Variants in ZNF518B observed in about 807,000 individuals in gnomAD.
ZNF518B encodes zinc finger protein 518B.
Under a neutral mutation model 56.3 loss-of-function variants are expected in ZNF518B, and 23 were observed. That is an observed-to-expected ratio of 0.41 (90% confidence interval 0.29 to 0.58). The LOEUF is 0.58. Ranked by LOEUF, ZNF518B falls within the 20% of genes least tolerant of loss-of-function variation. The probability of loss-of-function intolerance (pLI) is 0.32; values close to 1 mark genes in which losing one functional copy is unlikely to be tolerated. For missense variants in ZNF518B, 1,460 were observed against 1,272.1 expected (o/e 1.15, Z -2.25); for synonymous variants, 529 against 465.9 (o/e 1.14, Z -1.74).
In ZNF518B at chr4:10,444,756, G is replaced by T. The variant is rs747764664; in HGVS notation, c.1573C>A (p.Gln525Lys). 5 of 1,613,688 alleles carry T rather than the reference G, an allele frequency of 3.1e-6. No homozygotes were observed. The African/African-American group carries it at 5.3e-5, about 17-fold the overall frequency. ...ESGRNLHSSS[Q>K]QLLPFAASPA... ...GATGCAGCAAATGGGAGTAACTGCT[G>T]TGAGCTACTGTGTAAATTTCTTCCA... Residue 525 changes from glutamine (Q) to lysine (K), a missense_variant, in exon 3 of 3, where the codon CAG (glutamine) becomes AAG (lysine). Physicochemically the swap from Gln to Lys is moderately conservative, Grantham distance 53. Transcript: ENST00000326756.
At chr4:10,456,781 G>A (rs1388312355) in intron 1 of ZNF518B, among the ~76,000 whole-genome samples, 1 of 152,176 alleles carries the variant, frequency 6.6e-6, no homozygotes. Context: ...GCTCAGCTCC[G>A]AGGCCCGCAG....
At chr4:10,461,265 C>T (rs909297014), upstream of ZNF518B, among the ~76,000 whole-genome samples, 4 of 152,240 alleles carry the variant, frequency 2.6e-5, no homozygotes, top group Non-Finnish European at 5.9e-5. Context: ...TCCCAGCCGC[C>T]CTTTCCCGCC....
rs112775145 is a variant in ZNF518B, at chr4:10,439,996, GA to G, written c.*3107del. ...GCAGACACACAAACTGTTAACACAG[GA>G]ATTACAATAATGCTTAAAACATGTT... On this transcript the variant is annotated 3_prime_UTR_variant, in exon 3 of 3. Transcript: ENST00000326756. 32 of 152,626 alleles carry G rather than the reference GA, an allele frequency of 2.1e-4. No homozygotes were observed. Among genetic ancestry groups the G allele is most frequent in the African/African-American group, 7.5e-4 (31 of 41,524 alleles). The allele number at this position is 152,626 out of a possible 1,614,324, so 9.5% of individuals were successfully genotyped here.
rs1200046363 is a variant in ZNF518B at position 10,444,992 on chromosome 4, C to G, written c.1337G>C (p.Ser446Thr). ...GAAGGATTTTCCATTGTTGTGCACA[C>G]TAGAATTTGGCATAATAAAATCATA... is the stretch of plus-strand genomic sequence containing the variant. ...RSYDFIMPNS[S>T]VHNNGKSFIN... Residue 446 changes from serine (S) to threonine (T), a missense_variant, in exon 3 of 3, where the codon AGT (serine) becomes ACT (threonine). Transcript: ENST00000326756. 5 of 1,614,126 alleles carry G rather than the reference C, an allele frequency of 3.1e-6. No homozygotes were observed. In the South Asian group the frequency reaches 5.5e-5, roughly 18 times the overall value.
rs1440970750 is a variant in ZNF518B at position 10,442,555 on chromosome 4, G to A, written c.*549C>T. 1 of 153,670 alleles carries A rather than the reference G, an allele frequency of 6.5e-6. No individual in the cohort carries two copies. The highest frequency in any genetic ancestry group is 2.4e-5 in the African/African-American group (1 of 41,436). 9.5% of individuals were successfully genotyped at this position (153,670 alleles called of 1,614,324 possible). Reference sequence around the variant, plus strand: ...TCTTTGTGCTATACGGAACACTCGGGAGTATTACAAAACCAGGGAGGGAGT... The same window carrying A: ...TCTTTGTGCTATACGGAACACTCGGAAGTATTACAAAACCAGGGAGGGAGT... On this transcript the variant is annotated 3_prime_UTR_variant, in exon 3 of 3. Coordinates refer to ENST00000326756, the MANE Select transcript of ZNF518B (RefSeq NM_053042.3).
In ZNF518B at chr4:10,445,886, A is replaced by G. The variant is rs1715017896; in HGVS notation, c.443T>C (p.Leu148Pro). The G allele has an allele frequency of 1.2e-6, 2 of 1,614,238 alleles. No homozygotes were observed. The highest frequency in any genetic ancestry group is 1.7e-5 in the Admixed American group (1 of 60,028). ...DKCRFSTKDP[L>P]QYKKHTLQHE... ...TTGAAGGGTGTGCTTTTTGTACTGC[A>G]GCGGGTCCTTTGTAGAGAATCGACA... Residue 148 changes from leucine (L) to proline (P), a missense_variant, in exon 3 of 3, where the codon CTG becomes CCG. Coordinates refer to ENST00000326756, the MANE Select transcript of ZNF518B (RefSeq NM_053042.3).
chr4:10,445,816 C>T lies in ZNF518B; in HGVS notation c.513G>A (p.Ser171=), dbSNP rs567710081. The T allele has an allele frequency of 1.7e-5, 28 of 1,614,204 alleles. No homozygotes were observed. The highest frequency in any genetic ancestry group is 1.3e-4 in the Admixed American group (8 of 60,032). ...GCCTCTGAAACTCTCCTTTCGTATACGAAATGTAGCTGCAGTGAGAACAAA... is the reference window on the plus strand; with the variant it reads ...GCCTCTGAAACTCTCCTTTCGTATATGAAATGTAGCTGCAGTGAGAACAAA... ...KFICSHCSYI[S]YTKGEFQRHL... The change falls in exon 3 of 3, where the codon TCG becomes TCA. Residue 171 remains serine, a synonymous_variant. Coordinates refer to ENST00000326756, the MANE Select transcript of ZNF518B (RefSeq NM_053042.3).
chr4:10,459,656 G>A (rs1353886493), upstream of ZNF518B, among the ~76,000 whole-genome samples: 1 of 152,162 alleles, frequency 6.6e-6, no homozygotes, highest in Non-Finnish European at 1.5e-5. Context: ...GAGACGCAGA[G>A]AAGAAAATGC....
Position 10,445,265 on chromosome 4 carries a change from C to G in ZNF518B, c.1064G>C (p.Gly355Ala). 1.2e-6 allele frequency: 2 copies of G among 1,614,108 alleles called. No homozygotes were observed. Among genetic ancestry groups the G allele is most frequent in the Non-Finnish European group, 1.7e-6 (2 of 1,179,946 alleles). The change falls in exon 3 of 3, where the codon GGT becomes GCT. Residue 355 changes from glycine (G) to alanine (A), a missense_variant. Transcript: ENST00000326756. Reference sequence around the variant, plus strand: ...CAGTTTCAGAACAAGCTGCTGTGTACCATTGACAACCTTCACATCTATCAA... The same window carrying G: ...CAGTTTCAGAACAAGCTGCTGTGTAGCATTGACAACCTTCACATCTATCAA... ...AQLIDVKVVN[G>A]TQQLVLKLFP...
intron 2 of ZNF518B, among the ~76,000 whole-genome samples, chr4:10,449,467 CA>C (rs1715207819): frequency 6.6e-6 from 1 of 152,216 alleles, no homozygotes; most frequent in Non-Finnish European, 1.5e-5. Context: ...CCTCTATAGG[CA>C]GCCAATTTTA....
chr4:10,444,460 C>T lies in ZNF518B; in HGVS notation c.1869G>A (p.Arg623=). Residue 623 remains arginine, a synonymous_variant, in exon 3 of 3, where the codon AGG becomes AGA. Coordinates refer to ENST00000326756, the MANE Select transcript of ZNF518B (RefSeq NM_053042.3). ...DKPLELKNSE[R]TNNTNDGPVI... is the part of the protein sequence containing the mutation. The stretch of plus-strand genomic sequence containing the variant: ...CTGGGCCATCATTAGTGTTGTTAGT[C>T]CTTTCAGAATTCTTTAATTCCAAAG... The T allele has an allele frequency of 6.2e-7, 1 of 1,614,156 alleles. No individual in the cohort carries two copies. Among genetic ancestry groups the T allele is most frequent in the Non-Finnish European group, 8.5e-7 (1 of 1,180,042 alleles).
intron 2 of ZNF518B, 35 bp from the exon 3 acceptor site, chr4:10,446,574 A>G (rs536134068): frequency 2.3e-5 from 10 of 436,854 alleles, no homozygotes; most frequent in African/African-American, 7.8e-5. Context: ...CATGATTAAT[A>G]TAAGAGTTTG....
chr4:10,458,293 G>C (rs931582187), upstream of ZNF518B, among the ~76,000 whole-genome samples: 1 of 152,118 alleles, frequency 6.6e-6, no homozygotes, highest in African/African-American at 2.4e-5. Flanking sequence ...TCACTGGGAA[G>C]TACAGTTTCT....
chr4:10,447,961 T>C (rs1450756981), intron 2 of ZNF518B, among the ~76,000 whole-genome samples: 2 of 152,172 alleles, frequency 1.3e-5, no homozygotes, highest in Non-Finnish European at 2.9e-5. Flanking sequence ...AGTGACTCTT[T>C]TATACAATCT....
chr4:10,451,020 G>A (rs1715280275), intron 2 of ZNF518B: 1 of 152,154 alleles, frequency 6.6e-6, no homozygotes. Flanking sequence ...ACGCACCAAA[G>A]GCAAGAGGCA....
At chr4:10,460,139 T>G (rs1000176881), upstream of ZNF518B, among the ~76,000 whole-genome samples, 3 of 151,544 alleles carry the variant, frequency 2.0e-5, no homozygotes, top group South Asian at 2.1e-4. Context: ...GCCCCGCCTC[T>G]ACTAAAAATA....
chr4:10,444,886 T>G lies in ZNF518B; in HGVS notation c.1443A>C (p.Leu481Phe). The G allele has an allele frequency of 1.2e-6, 2 of 1,613,092 alleles. No individual in the cohort carries two copies. Among genetic ancestry groups the G allele is most frequent in the Non-Finnish European group, 1.7e-6 (2 of 1,179,642 alleles). ...PHRTAFPSVA[L>F]KGHSLASVFK... ...ATACAGATGCTAGAGAATGACCTTTTAAGGCAACGGAAGGAAAAGCAGTTC... is the reference window on the plus strand; with the variant it reads ...ATACAGATGCTAGAGAATGACCTTTGAAGGCAACGGAAGGAAAAGCAGTTC... Residue 481 changes from leucine (L) to phenylalanine (F), a missense_variant, in exon 3 of 3, where the codon TTA becomes TTC. Transcript: ENST00000326756.
At chr4:10,452,314 G>A (rs1213889896) in intron 2 of ZNF518B, 2 of 152,074 alleles carry the variant, frequency 1.3e-5, no homozygotes, top group African/African-American at 4.8e-5. Context: ...AGGGCGATCA[G>A]GAGATGCAAA....
chr4:10,456,923 C>T (rs1715561215), intron 1 of ZNF518B, among the ~76,000 whole-genome samples: 1 of 151,372 alleles, frequency 6.6e-6, no homozygotes, highest in South Asian at 2.1e-4. Flanking sequence ...ACGAACGGCC[C>T]CGCGGGACGC....
Sources: gnomAD v4.1 joint callset for allele counts (sites outside exome capture counted in the v4.1 genomes callset) on GRCh38, gnomAD v4.1.1 for gene constraint, MANE v1.5 for transcripts, NCBI Gene and HGNC (gene_info 2026-07-23, HGNC 2026-07-21) for gene names.